SMC6: variants seen among roughly 807,000 people sequenced by gnomAD.
SMC6 encodes structural maintenance of chromosomes protein 6.
SMC6 carries 79 observed loss-of-function variants against 142.2 expected under a neutral mutation model. The observed-to-expected ratio is 0.56, with a 90% CI of 0.46 to 0.67. The LOEUF (loss-of-function observed/expected upper bound fraction) is 0.67, where lower values mean the gene tolerates loss of function less well. Ranked by LOEUF, SMC6 falls within the 30% of genes least tolerant of loss-of-function variation. The probability of loss-of-function intolerance (pLI) is 0.00; values close to 1 mark genes in which losing one functional copy is unlikely to be tolerated. For missense variants in SMC6, 1,072 were observed against 1,284.0 expected (o/e 0.83, Z 2.52); for synonymous variants, 411 against 412.4 (o/e 1.00, Z 0.04).
intron 2 of SMC6, among the ~76,000 whole-genome samples, chr2:17,751,457 C>A (rs1671031827): frequency 1.4e-5 from 2 of 140,356 alleles, no homozygotes; most frequent in Non-Finnish European, 3.0e-5. Flanking sequence ...GAGTAAAACT[C>A]TGTCTCAAAC....
At chr2:17,689,344 C>T (rs1363818797) in intron 23 of SMC6, among the ~76,000 whole-genome samples, 1 of 152,090 alleles carries the variant, frequency 6.6e-6, no homozygotes, top group Non-Finnish European at 1.5e-5. Flanking sequence ...CATCTGATAT[C>T]GTAGGAAAGA....
At chr2:17,715,214 A>AAAGT in intron 15 of SMC6, 149 bp from the exon 16 acceptor site, 1 of 761,368 alleles carries the variant, frequency 1.3e-6, no homozygotes, top group Non-Finnish European at 2.1e-6. Context: ...ATAGTTTATA[A>AAAGT]ATGATTTAAC....
intron 16 of SMC6, among the ~76,000 whole-genome samples, chr2:17,714,557 G>A (rs916892244): frequency 2.6e-5 from 4 of 152,178 alleles, no homozygotes; most frequent in African/African-American, 9.7e-5. Flanking sequence ...GGGTGCCAAT[G>A]TTCTTCCTCA....
intron 18 of SMC6, among the ~76,000 whole-genome samples, 166 bp downstream of exon 18, chr2:17,707,053 T>C (rs1572299253): frequency 6.6e-6 from 1 of 152,292 alleles, no homozygotes; most frequent in South Asian, 2.1e-4. Flanking sequence ...GCAAGATAAC[T>C]GTCAACCTCG....
rs759752308 is a variant in SMC6 at position 17,665,587 on chromosome 2, C to T, written c.3188G>A (p.Arg1063Lys). 7 of 1,609,602 alleles carry T rather than the reference C, an allele frequency of 4.3e-6. No homozygotes were observed. The Admixed American group carries it at 1.0e-4, about 23-fold the overall frequency. The change falls in exon 28 of 28, where the codon AGA (arginine) becomes AAA (lysine). Residue 1063 changes from arginine (R) to lysine (K), a missense_variant. Around this residue, in one of 3 missense-constraint regions of SMC6, gnomAD observed 76 missense variants for 112.3 expected, o/e 0.68. Coordinates refer to ENST00000448223, the MANE Select transcript of SMC6 (RefSeq NM_001142286.2). Reference sequence around the variant, plus strand: ...TTCAGGATCAGACATTCGGAGAATTCTTATCAGTTTACTGGATGGAAGTGA... The same window carrying T: ...TTCAGGATCAGACATTCGGAGAATTTTTATCAGTTTACTGGATGGAAGTGA... ...MSSLPSSKLI[R>K]ILRMSDPERG...
intron 12 of SMC6, 85 bp downstream of exon 12, chr2:17,717,992 T>A (rs535344642): frequency 5.1e-6 from 7 of 1,367,750 alleles, no homozygotes; most frequent in South Asian, 3.3e-5. Context: ...TCAAAAAAAA[T>A]AAAATATAAT....
At chr2:17,724,065 T>C (rs1421867363) in intron 9 of SMC6, among the ~76,000 whole-genome samples, 1 of 152,142 alleles carries the variant, frequency 6.6e-6, no homozygotes, top group African/African-American at 2.4e-5. Context: ...AAGTGTTTAA[T>C]CCCAAGTGTC....
At chr2:17,710,837 T>C (rs977122493) in intron 16 of SMC6, among the ~76,000 whole-genome samples, 1 of 151,896 alleles carries the variant, frequency 6.6e-6, no homozygotes, top group African/African-American at 2.4e-5. Flanking sequence ...AGAAAGAAAT[T>C]AGAGAAACAG....
intron 5 of SMC6, among the ~76,000 whole-genome samples, chr2:17,734,285 C>T (rs1000904872): frequency 6.6e-6 from 1 of 152,182 alleles, no homozygotes; most frequent in African/African-American, 2.4e-5. Flanking sequence ...ATCCCTGCAT[C>T]TTTATGGTAA....
At chr2:17,679,459 A>G (rs1191939455) in intron 24 of SMC6, 1 of 152,226 alleles carries the variant, frequency 6.6e-6, no homozygotes, top group Non-Finnish European at 1.5e-5. Context: ...AATGCCTTAC[A>G]CTTTGCTTGG....
intron 7 of SMC6, among the ~76,000 whole-genome samples, chr2:17,729,781 C>CA (rs1157332314): frequency 2.0e-5 from 3 of 152,190 alleles, no homozygotes; most frequent in Admixed American, 2.0e-4. Flanking sequence ...GCAGCAGGCA[C>CA]ATTTGCTACG....
chr2:17,666,528 A>C lies in SMC6; in HGVS notation c.3064-11T>G. The C allele has an allele frequency of 6.2e-7, 1 of 1,602,958 alleles. No individual in the cohort carries two copies. Among genetic ancestry groups the C allele is most frequent in the Non-Finnish European group, 8.5e-7 (1 of 1,170,404 alleles). On this transcript the variant is annotated splice_polypyrimidine_tract_variant and intron_variant, in intron 26 of 27. Transcript: ENST00000448223. Reference sequence around the variant, plus strand: ...CCTATTAACCATATCCTGAAAAACAAAGGCAAAAGTTAGGATTGCTATTGT... The same window carrying C: ...CCTATTAACCATATCCTGAAAAACACAGGCAAAAGTTAGGATTGCTATTGT...
chr2:17,699,263 C>T (rs538056214), intron 21 of SMC6, among the ~76,000 whole-genome samples: 28 of 152,138 alleles, frequency 1.8e-4, no homozygotes, highest in African/African-American at 5.3e-4. Flanking sequence ...CAGGTCATTT[C>T]GCACTTGAAA....
At chr2:17,733,678 G>A (rs1670013509) in intron 5 of SMC6, among the ~76,000 whole-genome samples, 1 of 152,164 alleles carries the variant, frequency 6.6e-6, no homozygotes, top group Non-Finnish European at 1.5e-5. Context: ...AAGTTATGGA[G>A]CCTCTAGACC....
chr2:17,701,080 A>T (rs1216132728), intron 20 of SMC6, among the ~76,000 whole-genome samples: 1 of 150,456 alleles, frequency 6.6e-6, no homozygotes, highest in African/African-American at 2.4e-5. Flanking sequence ...ACAAAAATTT[A>T]GTCTATCAAA....
At chr2:17,708,602 A>C (rs758695403) in intron 17 of SMC6, 37 bp downstream of exon 17, 1 of 1,121,816 alleles carries the variant, frequency 8.9e-7, no homozygotes, top group East Asian at 2.8e-5. Context: ...AAAATTTAAC[A>C]ATAACATCAA....
chr2:17,714,239 G>A (rs1668970351), intron 16 of SMC6, among the ~76,000 whole-genome samples: 5 of 151,792 alleles, frequency 3.3e-5, no homozygotes, highest in Admixed American at 3.3e-4. Flanking sequence ...GGGACCACAG[G>A]CACACACGAC....
intron 17 of SMC6, among the ~76,000 whole-genome samples, chr2:17,707,608 T>G (rs1668613819): frequency 6.6e-6 from 1 of 152,134 alleles, no homozygotes; most frequent in Admixed American, 6.6e-5. Context: ...CAATGCTTCA[T>G]GACAAATTGG....
intron 7 of SMC6, among the ~76,000 whole-genome samples, chr2:17,729,556 CTGG>C (rs1669807134): frequency 6.6e-6 from 1 of 152,010 alleles, no homozygotes; most frequent in South Asian, 2.1e-4. Flanking sequence ...ACAAGAAAAC[CTGG>C]TGGAGATTCT....
Sources: gnomAD v4.1 joint callset for allele counts (sites outside exome capture counted in the v4.1 genomes callset) on GRCh38, gnomAD v4.1.1 for gene constraint, gnomAD v4.1.1 regional missense constraint, MANE v1.5 for transcripts, NCBI Gene and HGNC (gene_info 2026-07-23, HGNC 2026-07-21) for gene names.